The following CALD1 variants were observed in gnomAD, a reference collection of about 807,000 sequenced individuals.
CALD1 encodes the protein caldesmon 1.
A neutral mutation model predicts 99.9 loss-of-function variants in CALD1; 33 were observed. The observed-to-expected ratio is 0.33, with a 90% CI of 0.25 to 0.44. The LOEUF (loss-of-function observed/expected upper bound fraction) is 0.44. Among genes scored for constraint, CALD1 ranks in the 20% least tolerant of loss-of-function variants. The probability of loss-of-function intolerance (pLI) is 1.00; values close to 1 mark genes in which losing one functional copy is unlikely to be tolerated. For synonymous variants in CALD1, 310 were observed against 325.0 expected (o/e 0.95, Z 0.50); for missense variants, 861 against 962.1 (o/e 0.89, Z 1.39).
At chr7:134,764,953 C>T (rs1183403878) in intron 1 of CALD1, among the ~76,000 whole-genome samples, 1 of 152,236 alleles carries the variant, frequency 6.6e-6, no homozygotes, top group South Asian at 2.1e-4. Context: ...CTCAGCCAAG[C>T]CTTAACTTTA....
the CALD1 span, among the ~76,000 whole-genome samples, chr7:134,724,348 G>T: frequency 2.0e-5 from 3 of 152,210 alleles, no homozygotes; most frequent in Admixed American, 6.5e-5. Context: ...TTTGAGAAGG[G>T]AACCTAGGTT....
chr7:134,760,003 G>A (rs191168068), intron 1 of CALD1, among the ~76,000 whole-genome samples: 1 of 152,350 alleles, frequency 6.6e-6, no homozygotes, highest in East Asian at 1.9e-4. Flanking sequence ...ATCTAAGGAA[G>A]TGCAGGAAGA....
intron 1 of CALD1, among the ~76,000 whole-genome samples, chr7:134,809,017 A>G (rs1798256126): frequency 6.6e-6 from 1 of 152,352 alleles, no homozygotes; most frequent in South Asian, 2.1e-4. Flanking sequence ...AGAAAATAGT[A>G]CAACCAGGGG....
At chr7:134,711,981 T>C in the CALD1 span, among the ~76,000 whole-genome samples, 2 of 130,620 alleles carry the variant, frequency 1.5e-5, no homozygotes, top group African/African-American at 5.9e-5. Flanking sequence ...AGGTACCAAA[T>C]AAAGGAAGGA....
chr7:134,880,845 A>G (rs1037091619), intron 3 of CALD1, among the ~76,000 whole-genome samples: 1 of 152,180 alleles, frequency 6.6e-6, no homozygotes, highest in East Asian at 1.9e-4. Flanking sequence ...CAGCATCTTC[A>G]TAGCATATCC....
chr7:134,828,487 A>T (rs957090587), intron 1 of CALD1, among the ~76,000 whole-genome samples: 2 of 152,220 alleles, frequency 1.3e-5, no homozygotes, highest in African/African-American at 4.8e-5. Flanking sequence ...ATAGGAGAGG[A>T]AATCAGAACA....
chr7:134,933,066 C>T lies in CALD1; in HGVS notation c.297C>T (p.Arg99=). The stretch of plus-strand genomic sequence containing the variant: ...ATGATGAGGCCGCATTCCTGGAGCG[C>T]CTGGCTCGGCGTGAGGAAAGACGCC... ...EGDDEAAFLE[R]LARREERRQK... The change falls in exon 5 of 15, where the codon CGC becomes CGT. Residue 99 remains arginine (R), a synonymous_variant. Coordinates refer to ENST00000361675, the MANE Select transcript of CALD1 (RefSeq NM_033138.4). 1 of 1,613,974 alleles carries T rather than the reference C, an allele frequency of 6.2e-7. No homozygotes were observed. Among genetic ancestry groups the T allele is most frequent in the Non-Finnish European group, 8.5e-7 (1 of 1,179,976 alleles).
chr7:134,802,536 A>G (rs969944651), intron 1 of CALD1, among the ~76,000 whole-genome samples: 1 of 152,242 alleles, frequency 6.6e-6, no homozygotes, highest in Non-Finnish European at 1.5e-5. Flanking sequence ...ATGCTTCTCA[A>G]CTTATGATGG....
chr7:134,757,931 C>A (rs1901718), intron 1 of CALD1, among the ~76,000 whole-genome samples: 24,411 of 152,000 alleles, frequency 0.16, 2,053 homozygotes, highest in Non-Finnish European at 0.18. Flanking sequence ...CAGAATGGCT[C>A]TACAGGAGGA....
intron 2 of CALD1, among the ~76,000 whole-genome samples, chr7:134,851,712 T>C (rs1800090740): frequency 6.6e-6 from 1 of 152,034 alleles, no homozygotes; most frequent in Non-Finnish European, 1.5e-5. Flanking sequence ...TTACCAACCA[T>C]GATGGAGAGA....
chr7:134,938,502 A>G (rs1405257943), intron 6 of CALD1, among the ~76,000 whole-genome samples: 3 of 152,158 alleles, frequency 2.0e-5, no homozygotes, highest in East Asian at 1.9e-4. Context: ...GAAGCACACA[A>G]ACTTTTTCAG....
intron 1 of CALD1, among the ~76,000 whole-genome samples, chr7:134,812,874 C>A (rs1798407151): frequency 6.6e-6 from 1 of 152,018 alleles, no homozygotes; most frequent in South Asian, 2.1e-4. Context: ...CGAGACCAAG[C>A]CAGTGAGTTA....
chr7:134,958,286 T>C lies in CALD1; in HGVS notation c.2057T>C (p.Ile686Thr), dbSNP rs774256919. The C allele has an allele frequency of 2.3e-5, 37 of 1,612,826 alleles. No homozygotes were observed. The highest frequency in any genetic ancestry group is 2.7e-5 in the Non-Finnish European group (32 of 1,178,980). Residue 686 changes from isoleucine to threonine, a missense_variant, in exon 11 of 15, where the codon ATT becomes ACT. Ile to Thr is a moderately conservative substitution (Grantham distance 89). Coordinates refer to ENST00000361675, the MANE Select transcript of CALD1 (RefSeq NM_033138.4). ...DSRLEQYTSAIEGTKSAKPTK... is the reference protein window; with the variant it reads ...DSRLEQYTSATEGTKSAKPTK... ...AGACTGGAGCAGTATACCAGTGCAA[T>C]TGAGGTGAGAATTGTCCTCAGCGTT...
At chr7:134,854,925 C>T (rs911982215) in intron 2 of CALD1, among the ~76,000 whole-genome samples, 2 of 152,142 alleles carry the variant, frequency 1.3e-5, no homozygotes, top group Admixed American at 6.5e-5. Context: ...TTGCTGTTCT[C>T]GTGATACTGA....
Position 134,763,109 on chromosome 7 carries a change from C to T in CALD1, c.-130+18746C>T, listed in dbSNP as rs561183001. On this transcript the variant is annotated intron_variant, in intron 1 of 13. Coordinates refer to the CALD1 transcript ENST00000417172. ...CTATTTATCTGTCTGTCTATCTAAT[C>T]GATCTCTCAGTCTATCTATCTAGAG... 7.6e-4 allele frequency among the ~76,000 whole-genome samples: 116 copies of T among 152,300 alleles called. 2 individuals are homozygous for T. Among genetic ancestry groups the T allele is most frequent in the African/African-American group, 2.5e-3 (102 of 41,560 alleles).
At chr7:134,734,118 C>T in the CALD1 span, among the ~76,000 whole-genome samples, 7 of 152,134 alleles carry the variant, frequency 4.6e-5, no homozygotes, top group African/African-American at 1.2e-4. Context: ...TATTCTTGAG[C>T]TTCCATAGCA....
the CALD1 span, among the ~76,000 whole-genome samples, chr7:134,711,760 A>G: frequency 6.7e-6 from 1 of 148,322 alleles, no homozygotes; most frequent in Non-Finnish European, 1.5e-5. Context: ...CTCTCTCCAT[A>G]TATATCCTAT....
At position 134,868,070 on chromosome 7, in the gene CALD1, T is replaced by A. The variant is rs773535223; in HGVS notation, c.71+266T>A. 34 of 221,400 alleles carry A rather than the reference T, an allele frequency of 1.5e-4. 1 individual carries two copies. The highest frequency in any genetic ancestry group is 6.0e-4 in the African/African-American group (26 of 43,610). 13.7% of individuals were successfully genotyped at this position (221,400 alleles called of 1,614,324 possible). A position where few individuals can be genotyped will look rare whatever the true frequency, so the allele number is the denominator to read the frequency against. On this transcript the variant is annotated intron_variant, in intron 3 of 14. Transcript: ENST00000361675. ...TTGCATTTAATCAATACCTTTCACA[T>A]TGGAATGTTTTAAATGACAAAAGTA... is the stretch of plus-strand genomic sequence containing the variant.
At chr7:134,721,485 C>G in the CALD1 span, among the ~76,000 whole-genome samples, 1 of 152,028 alleles carries the variant, frequency 6.6e-6, no homozygotes, top group African/African-American at 2.4e-5. Flanking sequence ...TATAGTAGAA[C>G]AGTTTCTACT....
Sources: gnomAD v4.1 joint callset for allele counts (sites outside exome capture counted in the v4.1 genomes callset) on GRCh38, gnomAD v4.1.1 for gene constraint, MANE v1.5 for transcripts, NCBI Gene and HGNC (gene_info 2026-07-23, HGNC 2026-07-21) for gene names.